Variants in GCN1 observed in about 807,000 individuals in gnomAD.
GCN1 encodes GCN1 activator of EIF2AK4, also known as stalled ribosome sensor GCN1.
Under a neutral mutation model 288.4 loss-of-function variants are expected in GCN1, and 90 were observed. That is an observed-to-expected ratio of 0.31 (90% CI 0.26 to 0.37). GCN1 has a LOEUF of 0.37. Ranked by LOEUF, GCN1 falls within the 10% of genes least tolerant of loss-of-function variation. The probability of loss-of-function intolerance (pLI) is 1.00; values close to 1 mark genes in which losing one functional copy is unlikely to be tolerated. For missense variants in GCN1, 2,586 were observed against 3,419.9 expected (o/e 0.76, Z 6.08); for synonymous variants, 1,386 against 1,420.2 (o/e 0.98, Z 0.54).
Position 120,147,281 on chromosome 12 carries a change from C to G in GCN1, c.4727-9G>C, listed in dbSNP as rs745319593. 2.6e-6 allele frequency: 4 copies of G among 1,544,898 alleles called. No homozygotes were observed. Among genetic ancestry groups the G allele is most frequent in the Non-Finnish European group, 3.6e-6 (4 of 1,126,682 alleles). ...GAGGACTGGAGCAATGGCTGCACATCCAAAGAGAAGAGAGCTGGATGATAT... is the reference window on the plus strand; with the variant it reads ...GAGGACTGGAGCAATGGCTGCACATGCAAAGAGAAGAGAGCTGGATGATAT... On this transcript the variant is annotated splice_polypyrimidine_tract_variant and intron_variant, in intron 37 of 57. Coordinates refer to ENST00000300648, the MANE Select transcript of GCN1 (RefSeq NM_006836.2).
Position 120,132,008 on chromosome 12 carries a change from G to A in GCN1, c.7332C>T (p.Ile2444=). The A allele has an allele frequency of 6.3e-7, 1 of 1,592,620 alleles. No homozygotes were observed. Residue 2444 remains isoleucine, a synonymous_variant, in exon 54 of 58, where the codon ATC becomes ATT. Transcript: ENST00000300648. ...MLGHDEDNTR[I]SSAGCLGELC... ...GTTCCCCTAGGCACCCGGCTGAGGA[G>A]ATGCGAGTGTTGTCCTGACAGGGAA...
At chr12:120,188,316 CCCA>C (rs1878886317) in intron 2 of GCN1, among the ~76,000 whole-genome samples, 1 of 151,982 alleles carries the variant, frequency 6.6e-6, no homozygotes, top group Admixed American at 6.6e-5. Context: ...TGCCTGTAAT[CCCA>C]GCTACTTGGG....
chr12:120,145,188 G>C (rs983330413), intron 39 of GCN1, 74 bp downstream of exon 39: 1 of 1,555,578 alleles, frequency 6.4e-7, no homozygotes, highest in African/African-American at 1.4e-5. Flanking sequence ...AGCAGCTTTG[G>C]GGAATTCTCA....
At chr12:120,165,949 G>A (rs982048563) in intron 16 of GCN1, among the ~76,000 whole-genome samples, 2 of 151,572 alleles carry the variant, frequency 1.3e-5, no homozygotes, top group African/African-American at 4.8e-5. Context: ...CTGCTACCAC[G>A]CCCAGCTTAT....
chr12:120,170,382 G>T (rs978203874), intron 14 of GCN1, 61 bp from the exon 15 acceptor site: 2 of 1,487,766 alleles, frequency 1.3e-6, no homozygotes, highest in African/African-American at 1.4e-5. Context: ...ACAGGACTGA[G>T]AAAGGATTTA....
intron 16 of GCN1, among the ~76,000 whole-genome samples, chr12:120,166,738 C>T (rs954404659): frequency 4.7e-5 from 7 of 149,852 alleles, no homozygotes; most frequent in African/African-American, 1.5e-4. Context: ...AGGCCAGGCA[C>T]GATGGCTCAT....
Position 120,184,135 on chromosome 12 carries a change from T to G in GCN1, c.294A>C (p.Ile98=). 1.9e-6 allele frequency: 3 copies of G among 1,613,716 alleles called. No individual in the cohort carries two copies. Among genetic ancestry groups the G allele is most frequent in the Non-Finnish European group, 2.5e-6 (3 of 1,179,754 alleles). The change falls in exon 4 of 58, where the codon ATA becomes ATC. Residue 98 remains isoleucine, a synonymous_variant. Transcript: ENST00000300648. ...NLLHSLQSSG[I]GSKAGVPSKS... The stretch of plus-strand genomic sequence containing the variant: ...ACCTGGGAACACCTGCTTTGGAGCC[T>G]ATACCAGAAGACTGCAGAGAGTGTA...
At chr12:120,178,333 C>T (rs1452202079) in intron 7 of GCN1, among the ~76,000 whole-genome samples, 2 of 152,156 alleles carry the variant, frequency 1.3e-5, no homozygotes, top group Non-Finnish European at 2.9e-5. Context: ...GGTGTACCCC[C>T]AACACCGAGC....
At chr12:120,131,149 G>C (rs747444508) in intron 55 of GCN1, 36 bp downstream of exon 55, 1 of 1,602,522 alleles carries the variant, frequency 6.2e-7, no homozygotes, top group Non-Finnish European at 8.5e-7. Context: ...TATGGGATGT[G>C]GCCTATGCCT....
At chr12:120,152,101 T>C (rs1276296738) in intron 33 of GCN1, among the ~76,000 whole-genome samples, 2 of 152,140 alleles carry the variant, frequency 1.3e-5, no homozygotes, top group Non-Finnish European at 2.9e-5. Context: ...ACAATCATAA[T>C]TCACTATAAC....
intron 9 of GCN1, among the ~76,000 whole-genome samples, chr12:120,176,570 G>C (rs754852070): frequency 6.6e-6 from 1 of 152,176 alleles, no homozygotes; most frequent in Non-Finnish European, 1.5e-5. Flanking sequence ...GGGAGGTGGA[G>C]GGGTAAGAGG....
In GCN1 at chr12:120,178,985, GA is replaced by G. The variant is rs746334848; in HGVS notation, c.427-36del. On this transcript the variant is annotated intron_variant, in intron 5 of 57. Coordinates refer to ENST00000300648, the MANE Select transcript of GCN1 (RefSeq NM_006836.2). ...CCAGGGAAGACTCAGGTCAAGGTGG[GA>G]CATGAGACTGAGGGTCCCATGGCTC... is the stretch of plus-strand genomic sequence containing the variant. 3.2e-6 allele frequency: 5 copies of G among 1,556,722 alleles called. No individual in the cohort carries two copies. The African/African-American group carries it at 6.8e-5, about 21-fold the overall frequency.
intron 38 of GCN1, 128 bp downstream of exon 38, chr12:120,146,924 C>T: frequency 5.6e-6 from 3 of 534,146 alleles, no homozygotes; most frequent in Non-Finnish European, 6.3e-6. Flanking sequence ...TGGCTCATTT[C>T]TCCCCATAAA....
chr12:120,182,173 C>CA lies in GCN1; in HGVS notation c.426+1395dup, dbSNP rs376403303. Among the ~76,000 whole-genome samples the CA allele has an allele frequency of 1.8e-4, 26 of 148,190 alleles. No individual in the cohort carries two copies. The South Asian group carries it at 4.1e-3, about 24-fold the overall frequency. On this transcript the variant is annotated intron_variant, in intron 5 of 57. Transcript: ENST00000300648. The stretch of plus-strand genomic sequence containing the variant: ...CTCAAAGAAAACAAAAAAAAAAAAA[C>CA]AAAAAAAACCACTCAGTGCAGATAA...
chr12:120,163,637 CT>C (rs1878006909), intron 18 of GCN1, among the ~76,000 whole-genome samples: 1 of 152,096 alleles, frequency 6.6e-6, no homozygotes, highest in Middle Eastern at 3.2e-3. Context: ...GAGGGTCTCC[CT>C]CCGTCGGGGG....
Position 120,161,991 on chromosome 12 carries a change from C to T in GCN1, c.2231G>A (p.Ser744Asn), listed in dbSNP as rs769790180. Reference protein sequence around the residue: ...SPDRVLPQLISTITASVQNPA... With the variant: ...SPDRVLPQLINTITASVQNPA... ...GTTCTGCACGGAGGCAGTGATGGTG[C>T]TGATGAGCTGTGGGAGGACCCGGTC... Residue 744 changes from serine to asparagine, a missense_variant, in exon 21 of 58, where the codon AGC becomes AAC. Coordinates refer to ENST00000300648, the MANE Select transcript of GCN1 (RefSeq NM_006836.2). 4 of 1,613,820 alleles carry T rather than the reference C, an allele frequency of 2.5e-6. No homozygotes were observed. The highest frequency in any genetic ancestry group is 3.3e-5 in the Admixed American group (2 of 60,006).
chr12:120,149,358 C>CA (rs1353336194), intron 36 of GCN1, among the ~76,000 whole-genome samples: 30 of 150,738 alleles, frequency 2.0e-4, no homozygotes, highest in South Asian at 6.3e-4. Flanking sequence ...TCCATCATTA[C>CA]AAAAAAAAAT....
rs777125076 is a variant in GCN1 at position 120,147,115 on chromosome 12, G to A, written c.4884C>T (p.Ser1628=). The change falls in exon 38 of 58, where the codon TCC becomes TCT. Residue 1628 remains serine (S), a synonymous_variant. Coordinates refer to ENST00000300648, the MANE Select transcript of GCN1 (RefSeq NM_006836.2). ...PIVQRAFQDR[S]TDTRKMAAQI... is the part of the protein sequence containing the mutation. ...GGGCTGCCATCTTCCGCGTGTCCGT[G>A]GAACGGTCCTGGAAGGCTCTCTGGA... The A allele has an allele frequency of 6.9e-6, 11 of 1,605,754 alleles. No individual in the cohort carries two copies. Among genetic ancestry groups the A allele is most frequent in the East Asian group, 6.7e-5 (3 of 44,710 alleles).
intron 21 of GCN1, 77 bp downstream of exon 21, chr12:120,161,803 G>T: frequency 8.0e-6 from 11 of 1,371,678 alleles, no homozygotes; most frequent in Non-Finnish European, 1.1e-5. Context: ...CTCACAGGAG[G>T]CACTGGCTCC....
Sources: allele counts gnomAD v4.1 joint callset (sites outside exome capture counted in the v4.1 genomes callset), GRCh38; gene constraint gnomAD v4.1.1; transcripts MANE v1.5; gene names NCBI Gene and HGNC (gene_info 2026-07-23, HGNC 2026-07-21).